Variants in GDAP2 observed in about 807,000 individuals in gnomAD.
GDAP2 encodes ganglioside-induced differentiation-associated protein 2.
In GDAP2, 51 loss-of-function variants were observed where a neutral mutation model predicts 67.0. The ratio of observed to expected loss-of-function variants is 0.76; its 90% CI spans 0.61 to 0.96. The LOEUF is 0.96. Among genes scored for constraint, GDAP2 ranks in the 40% least tolerant of loss-of-function variants. GDAP2 has a pLI of 0.00. For synonymous variants in GDAP2, 203 were observed against 207.3 expected (o/e 0.98, Z 0.18); for missense variants, 547 against 588.3 (o/e 0.93, Z 0.73).
intron 8 of GDAP2, among the ~76,000 whole-genome samples, chr1:117,896,009 GGAT>G (rs1234405594): frequency 6.6e-6 from 1 of 152,154 alleles, no homozygotes; most frequent in Non-Finnish European, 1.5e-5. Flanking sequence ...AGAAATTGAA[GGAT>G]GAGAGTAGCC....
intron 13 of GDAP2, among the ~76,000 whole-genome samples, chr1:117,876,519 G>A (rs1648460551): frequency 6.6e-6 from 1 of 152,126 alleles, no homozygotes. Context: ...CCATTTTTAT[G>A]CCTCTCTTTG....
Position 117,863,522 on chromosome 1 carries a change from T to C in GDAP2, c.*7047A>G, listed in dbSNP as rs1468511584. 1 of 152,250 alleles carries C rather than the reference T, an allele frequency of 6.6e-6. No individual in the cohort carries two copies. The highest frequency in any genetic ancestry group is 1.5e-5 in the Non-Finnish European group (1 of 68,036). 9.4% of individuals were successfully genotyped at this position (152,250 alleles called of 1,614,324 possible). On this transcript the variant is annotated 3_prime_UTR_variant, in exon 14 of 14. Transcript: ENST00000369443. ...TCCTTTACTGTAGCACAATCTGGCATGACTGCCTTTAAATGAAATCTGTAT... is the reference window on the plus strand; with the variant it reads ...TCCTTTACTGTAGCACAATCTGGCACGACTGCCTTTAAATGAAATCTGTAT...
chr1:117,905,483 T>G (rs1336439604), intron 6 of GDAP2, among the ~76,000 whole-genome samples: 3 of 152,192 alleles, frequency 2.0e-5, no homozygotes, highest in Non-Finnish European at 2.9e-5. Context: ...TATTTCAACT[T>G]ATGTATCACT....
At chr1:117,926,711 A>G (rs1650456874) in intron 1 of GDAP2, among the ~76,000 whole-genome samples, 1 of 152,346 alleles carries the variant, frequency 6.6e-6, no homozygotes, top group Middle Eastern at 3.4e-3. Flanking sequence ...TCAAGGTCAC[A>G]GGCCCCTTTG....
At chr1:117,894,817 G>A (rs943658996) in intron 8 of GDAP2, among the ~76,000 whole-genome samples, 2 of 152,124 alleles carry the variant, frequency 1.3e-5, no homozygotes, top group Non-Finnish European at 2.9e-5. Flanking sequence ...AACAGTATTT[G>A]TTGCCAATGA....
chr1:117,869,544 G>T lies in GDAP2; in HGVS notation c.*1025C>A, dbSNP rs1018865918. 6.6e-6 allele frequency: 1 copy of T among 152,616 alleles called. No homozygotes were observed. Among genetic ancestry groups the T allele is most frequent in the Non-Finnish European group, 1.5e-5 (1 of 68,042 alleles). 9.5% of individuals were successfully genotyped at this position (152,616 alleles called of 1,614,324 possible). ...TGCTATCTTCATGATACCTCTGTGA[G>T]GTAGGCAGCATAATTCTAATTTTTA... On this transcript the variant is annotated 3_prime_UTR_variant, in exon 14 of 14. Transcript: ENST00000369443.
chr1:117,906,916 A>C (rs1432134166), intron 5 of GDAP2, among the ~76,000 whole-genome samples: 1 of 152,212 alleles, frequency 6.6e-6, no homozygotes, highest in African/African-American at 2.4e-5. Context: ...AAGAACAGTG[A>C]CTGGCCGTAG....
chr1:117,871,949 A>G (rs1648302623), intron 13 of GDAP2, among the ~76,000 whole-genome samples: 1 of 152,184 alleles, frequency 6.6e-6, no homozygotes, highest in Non-Finnish European at 1.5e-5. Flanking sequence ...CTATCTCACA[A>G]AGGACTAATA....
chr1:117,885,448 C>A (rs895126195), intron 10 of GDAP2, among the ~76,000 whole-genome samples: 1 of 152,132 alleles, frequency 6.6e-6, no homozygotes, highest in Non-Finnish European at 1.5e-5. Context: ...AATGTAGATA[C>A]AAATTAATGT....
Position 117,887,777 on chromosome 1 carries a change from AG to A in GDAP2, c.954-4del. The A allele has an allele frequency of 6.7e-7, 1 of 1,489,518 alleles. No individual in the cohort carries two copies. The highest frequency in any genetic ancestry group is 9.4e-7 in the Non-Finnish European group (1 of 1,068,282). 92.3% of individuals were successfully genotyped at this position (1,489,518 alleles called of 1,614,324 possible). A position where few individuals can be genotyped will look rare whatever the true frequency, so the allele number is the denominator to read the frequency against. ...CTTGACATAACCAGCGATTATAACT[AG>A]GGAAATAAATGATATAATCATTATA... On this transcript the variant is annotated splice_polypyrimidine_tract_variant and splice_region_variant and intron_variant, in intron 8 of 13. Coordinates refer to ENST00000369443, the MANE Select transcript of GDAP2 (RefSeq NM_017686.4).
rs938114989 is a variant in GDAP2 at position 117,866,022 on chromosome 1, C to T, written c.*4547G>A. ...GTATATGTATATATGGTTAGGCCTA[C>T]CAGGCAATCCTTATCATCTCTGGGT... On this transcript the variant is annotated 3_prime_UTR_variant, in exon 14 of 14. Coordinates refer to ENST00000369443, the MANE Select transcript of GDAP2 (RefSeq NM_017686.4). 6.6e-6 allele frequency: 1 copy of T among 152,156 alleles called. No homozygotes were observed. Among genetic ancestry groups the T allele is most frequent in the Non-Finnish European group, 1.5e-5 (1 of 68,032 alleles). The allele number at this position is 152,156 out of a possible 1,614,324, so 9.4% of individuals were successfully genotyped here. A position where few individuals can be genotyped will look rare whatever the true frequency, so the allele number is the denominator to read the frequency against.
intron 1 of GDAP2, among the ~76,000 whole-genome samples, chr1:117,928,861 A>G (rs781106808): frequency 6.6e-6 from 1 of 152,226 alleles, no homozygotes; most frequent in Non-Finnish European, 1.5e-5. Flanking sequence ...AAGTAGCAGA[A>G]ATGCAAGAGA....
rs1323539304 is a variant in GDAP2 at position 117,870,572 on chromosome 1, C to T, written c.1491G>A (p.Leu497=). Residue 497 remains leucine (L), a synonymous_variant, in exon 14 of 14, where the codon TTG becomes TTA. Coordinates refer to ENST00000369443, the MANE Select transcript of GDAP2 (RefSeq NM_017686.4). ...AGAAGCACTGAAAGATGGCAGGTCA[C>T]AAATCTGGTGATGGGGGATATGATG... ...YYTSYPPSPD[L] is the part of the protein sequence containing the mutation. The T allele has an allele frequency of 1.9e-6, 3 of 1,600,512 alleles. No individual in the cohort carries two copies. The highest frequency in any genetic ancestry group is 2.2e-5 in the South Asian group (2 of 90,790).
chr1:117,892,473 T>C (rs1328679599), intron 8 of GDAP2, among the ~76,000 whole-genome samples: 1 of 152,156 alleles, frequency 6.6e-6, no homozygotes, highest in Non-Finnish European at 1.5e-5. Context: ...GAACTCAAAA[T>C]AGTTTCTGGG....
chr1:117,919,191 G>A (rs1051213387), intron 2 of GDAP2, among the ~76,000 whole-genome samples: 4 of 152,020 alleles, frequency 2.6e-5, no homozygotes, highest in African/African-American at 4.8e-5. Flanking sequence ...TGGCTGACAC[G>A]GTGAAACCCC....
At chr1:117,884,813 C>CGTGTGTGTGTGTGTGTGTGT in intron 10 of GDAP2, among the ~76,000 whole-genome samples, 1 of 147,970 alleles carries the variant, frequency 6.8e-6, no homozygotes, top group South Asian at 2.2e-4. Context: ...TTATTCCCTC[C>CGTGTGTGTGTGTGTGTGTGT]GTGTGTGTGT....
At chr1:117,875,053 A>G (rs1256247051) in intron 13 of GDAP2, among the ~76,000 whole-genome samples, 1 of 152,238 alleles carries the variant, frequency 6.6e-6, no homozygotes, top group Non-Finnish European at 1.5e-5. Flanking sequence ...AAGGACACAG[A>G]ACATAAAATT....
At position 117,899,108 on chromosome 1, in the gene GDAP2, C is replaced by T. The variant is rs1427868404; in HGVS notation, c.745G>A (p.Val249Met). 1.2e-6 allele frequency: 2 copies of T among 1,613,214 alleles called. No homozygotes were observed. The highest frequency in any genetic ancestry group is 3.3e-5 in the Admixed American group (2 of 60,024). The stretch of plus-strand genomic sequence containing the variant: ...ATTCTAATCTGTCGTTCAGGTACCA[C>T]AGGCTCCCCTTCTGCATTTCCAATA... ...ADIGNAEGEP[V>M]VPERQIRISE... Residue 249 changes from valine (V) to methionine (M), a missense_variant, in exon 7 of 14, where the codon GTG (valine) becomes ATG (methionine). Coordinates refer to ENST00000369443, the MANE Select transcript of GDAP2 (RefSeq NM_017686.4).
chr1:117,913,749 G>A (rs1202400200), intron 3 of GDAP2, among the ~76,000 whole-genome samples: 1 of 152,110 alleles, frequency 6.6e-6, no homozygotes, highest in East Asian at 1.9e-4. Context: ...CCACTGTTAT[G>A]AACTGAATGC....
Sources: gnomAD v4.1 joint callset for allele counts (sites outside exome capture counted in the v4.1 genomes callset) on GRCh38, gnomAD v4.1.1 for gene constraint, MANE v1.5 for transcripts, NCBI Gene and HGNC (gene_info 2026-07-23, HGNC 2026-07-21) for gene names.